SASH1: variants seen among roughly 807,000 people sequenced by gnomAD.
The protein encoded by SASH1 is SAM and SH3 domain containing 1, also known as SAM and SH3 domain-containing protein 1.
A neutral mutation model predicts 125.2 loss-of-function variants in SASH1; 44 were observed. The ratio of observed to expected loss-of-function variants is 0.35; its 90% CI spans 0.28 to 0.45. The LOEUF is 0.45. SASH1 is among the 20% of genes least tolerant of loss of function. The probability of loss-of-function intolerance (pLI) is 1.00; values close to 1 mark genes in which losing one functional copy is unlikely to be tolerated. For synonymous variants in SASH1, 639 were observed against 649.1 expected, an observed-to-expected ratio of 0.98 and a Z score of 0.24; for missense variants, 1,426 against 1,614.5, an observed-to-expected ratio of 0.88 and a Z score of 2.00.
At chr6:148,242,175 G>C in the SASH1 span, among the ~76,000 whole-genome samples, 1 of 152,196 alleles carries the variant, frequency 6.6e-6, no homozygotes, top group African/African-American at 2.4e-5. Flanking sequence ...CAAGCAAATG[G>C]TGAGGACTTG....
the SASH1 span, among the ~76,000 whole-genome samples, chr6:148,252,961 G>A: frequency 6.6e-6 from 1 of 152,156 alleles, no homozygotes; most frequent in Non-Finnish European, 1.5e-5. Context: ...CATTCAGGCA[G>A]ACTGAATAAT....
At chr6:148,471,770 C>T (rs1249236793) in intron 6 of SASH1, among the ~76,000 whole-genome samples, 1 of 152,124 alleles carries the variant, frequency 6.6e-6, no homozygotes, top group African/African-American at 2.4e-5. Flanking sequence ...CTTTCGTTTC[C>T]TCAGTTGCAC....
the SASH1 span, among the ~76,000 whole-genome samples, chr6:148,235,604 T>A: frequency 6.6e-6 from 1 of 152,228 alleles, no homozygotes; most frequent in Non-Finnish European, 1.5e-5. Flanking sequence ...AGCCCTATGG[T>A]TGGCTCTTAC....
chr6:148,355,692 C>T lies in SASH1; in HGVS notation c.156+12469C>T, dbSNP rs182055131. 1.9e-3 allele frequency among the ~76,000 whole-genome samples: 292 copies of T among 152,166 alleles called. 2 individuals carry two copies. The highest frequency in any genetic ancestry group is 0.014 in the Middle Eastern group (4 of 294). ...CTTCCATAGAGACCAGGAGGGGAGA[C>T]GAATAGAATGAACACATTCCTTAAA... is the stretch of plus-strand genomic sequence containing the variant. On this transcript the variant is annotated intron_variant, in intron 1 of 19. Transcript: ENST00000367467.
At chr6:148,421,795 G>A (rs548415229) in intron 2 of SASH1, among the ~76,000 whole-genome samples, 5 of 152,140 alleles carry the variant, frequency 3.3e-5, no homozygotes, top group Non-Finnish European at 7.4e-5. Flanking sequence ...TAATCTTATT[G>A]TGCTTTTAAA....
chr6:148,493,526 G>A (rs1779195489), intron 8 of SASH1, among the ~76,000 whole-genome samples: 1 of 152,214 alleles, frequency 6.6e-6, no homozygotes, highest in South Asian at 2.1e-4. Flanking sequence ...AATCAGGAAT[G>A]CCCAGGCCAT....
chr6:148,308,528 T>C (rs1225912998), intron 1 of SASH1, among the ~76,000 whole-genome samples: 2 of 151,494 alleles, frequency 1.3e-5, no homozygotes, highest in Admixed American at 6.6e-5. Flanking sequence ...CCCAAGTAGC[T>C]GGGATTACAG....
chr6:148,387,581 T>G (rs539869612), intron 1 of SASH1, among the ~76,000 whole-genome samples: 2 of 6,260 alleles, frequency 3.2e-4, no homozygotes, highest in African/African-American at 9.2e-4. Context: ...TCTTTCTTTC[T>G]TTCTTTCTTT....
chr6:148,465,315 G>A lies in SASH1; in HGVS notation c.387-3230G>A, dbSNP rs148984728. Among the ~76,000 whole-genome samples, 1,018 of 152,224 alleles carry A rather than the reference G, an allele frequency of 6.7e-3. 10 individuals carry two copies. The highest frequency in any genetic ancestry group is 0.022 in the African/African-American group (933 of 41,528). On this transcript the variant is annotated intron_variant, in intron 4 of 19. Coordinates refer to ENST00000367467, the MANE Select transcript of SASH1 (RefSeq NM_015278.5). ...GCCTGCAATCCCAGCACTTTGGGAGGCCGAGGCGGGCAAATCACCTGAGGT... is the reference window on the plus strand; with the variant it reads ...GCCTGCAATCCCAGCACTTTGGGAGACCGAGGCGGGCAAATCACCTGAGGT...
At chr6:148,286,104 A>G (rs907037182) in intron 1 of SASH1, among the ~76,000 whole-genome samples, 5 of 152,168 alleles carry the variant, frequency 3.3e-5, no homozygotes, top group African/African-American at 1.2e-4. Flanking sequence ...CTTTACAAAC[A>G]TCAAGGGATT....
At position 148,533,599 on chromosome 6, in the gene SASH1, C is replaced by T. The variant is rs189107772; in HGVS notation, c.1735-172C>T. 7.7e-4 allele frequency among the ~76,000 whole-genome samples: 117 copies of T among 152,242 alleles called. No homozygotes were observed. Among genetic ancestry groups the T allele is most frequent in the African/African-American group, 2.5e-3 (105 of 41,566 alleles). Reference sequence around the variant, plus strand: ...GTCAGAGACACCTGTCTGGCCTCTGCGGAGCTCACAGTCACATCCTATGCA... The same window carrying T: ...GTCAGAGACACCTGTCTGGCCTCTGTGGAGCTCACAGTCACATCCTATGCA... On this transcript the variant is annotated intron_variant, in intron 14 of 19. Coordinates refer to ENST00000367467, the MANE Select transcript of SASH1 (RefSeq NM_015278.5). The surrounding 1 kb of genome is among the most constrained non-coding windows in gnomAD (Gnocchi z 6.2).
At chr6:148,244,973 A>T in the SASH1 span, among the ~76,000 whole-genome samples, 1 of 151,386 alleles carries the variant, frequency 6.6e-6, no homozygotes, top group Non-Finnish European at 1.5e-5. Context: ...AGAGAGAGAG[A>T]GAGAGAGAGA....
At chr6:148,392,474 G>A (rs2114837101) in intron 2 of SASH1, among the ~76,000 whole-genome samples, 1 of 152,172 alleles carries the variant, frequency 6.6e-6, no homozygotes, top group Admixed American at 6.5e-5. Context: ...ACATACAAGG[G>A]TTCTGTGAGT....
chr6:148,474,431 G>C (rs1252891327), intron 7 of SASH1, among the ~76,000 whole-genome samples: 1 of 152,174 alleles, frequency 6.6e-6, no homozygotes, highest in Admixed American at 6.5e-5. Flanking sequence ...AAATATTTTT[G>C]ATCTGTGGAC....
Position 148,440,338 on chromosome 6 carries a change from A to G in SASH1, c.337-20A>G, listed in dbSNP as rs768391237. The G allele has an allele frequency of 3.2e-5, 52 of 1,613,290 alleles. No individual in the cohort carries two copies. The highest frequency in any genetic ancestry group is 1.2e-5 in the Non-Finnish European group (14 of 1,179,612). Reference sequence around the variant, plus strand: ...GCCTGCTGCTCTGACCACACTGACTATACGAATCTTCTCTCGTAGGAGTCG... The same window carrying G: ...GCCTGCTGCTCTGACCACACTGACTGTACGAATCTTCTCTCGTAGGAGTCG... On this transcript the variant is annotated intron_variant, in intron 3 of 19. Transcript: ENST00000367467.
intron 1 of SASH1, chr6:148,380,009 G>A (rs1376959173): frequency 1.1e-5 from 5 of 455,054 alleles, no homozygotes; most frequent in Non-Finnish European, 2.2e-5. Context: ...TTTTTCAGTT[G>A]TTACCTGTCA....
At chr6:148,275,371 G>A (rs1193967730) in intron 1 of SASH1, among the ~76,000 whole-genome samples, 2 of 152,158 alleles carry the variant, frequency 1.3e-5, no homozygotes, top group African/African-American at 4.8e-5. Flanking sequence ...ACCCTAGGCT[G>A]AAGTCCAAGA....
intron 1 of SASH1, among the ~76,000 whole-genome samples, chr6:148,273,100 A>C (rs938019414): frequency 9.9e-5 from 15 of 152,038 alleles, no homozygotes; most frequent in African/African-American, 2.9e-4. Flanking sequence ...TCTCTACAAA[A>C]ATTACAAAAA....
At chr6:148,201,840 T>C in the SASH1 span, among the ~76,000 whole-genome samples, 1 of 152,140 alleles carries the variant, frequency 6.6e-6, no homozygotes, top group Non-Finnish European at 1.5e-5. Context: ...GATATGGGGA[T>C]GTGCTTGAAC....
Sources: gnomAD v4.1 joint callset for allele counts (sites outside exome capture counted in the v4.1 genomes callset) on GRCh38, gnomAD v4.1.1 for gene constraint, Gnocchi (gnomAD v3.1) non-coding constraint, MANE v1.5 for transcripts, NCBI Gene and HGNC (gene_info 2026-07-23, HGNC 2026-07-21) for gene names.